Variants in KIRREL3 observed in about 807,000 individuals in gnomAD.
KIRREL3 encodes kin of IRRE-like protein 3.
A neutral mutation model predicts 89.7 loss-of-function variants in KIRREL3; 36 were observed. The ratio of observed to expected loss-of-function variants is 0.40; its 90% CI spans 0.31 to 0.53. KIRREL3 has a LOEUF of 0.53. Ranked by LOEUF, KIRREL3 falls within the 20% of genes least tolerant of loss-of-function variation. KIRREL3 has a pLI of 0.49. For synonymous variants in KIRREL3, 445 were observed against 441.4 expected (o/e 1.01, Z -0.10); for missense variants, 864 against 1,056.6 (o/e 0.82, Z 2.53).
intron 1 of KIRREL3, among the ~76,000 whole-genome samples, chr11:126,588,117 A>G (rs1156403130): frequency 6.6e-6 from 1 of 152,204 alleles, no homozygotes; most frequent in Non-Finnish European, 1.5e-5. Flanking sequence ...CATCAGCAAA[A>G]TGGGCTTTAT....
At chr11:126,706,947 T>C (rs1413683411) in intron 1 of KIRREL3, among the ~76,000 whole-genome samples, 2 of 151,914 alleles carry the variant, frequency 1.3e-5, no homozygotes, top group Non-Finnish European at 2.9e-5. Context: ...TTGACTTTTT[T>C]TTTTTTTTTA....
chr11:126,577,380 G>T (rs532531717), intron 1 of KIRREL3, among the ~76,000 whole-genome samples: 2 of 152,102 alleles, frequency 1.3e-5, no homozygotes, highest in Admixed American at 6.5e-5. Flanking sequence ...AAGGTCCAGG[G>T]CATCTGTTGG....
chr11:126,524,626 T>C (rs1490420921), intron 3 of KIRREL3, among the ~76,000 whole-genome samples: 1 of 152,260 alleles, frequency 6.6e-6, no homozygotes, highest in Non-Finnish European at 1.5e-5. Flanking sequence ...TGACTGGTTA[T>C]TCCAGCTTTG....
At chr11:126,517,554 G>A (rs61898730) in intron 4 of KIRREL3, among the ~76,000 whole-genome samples, 24,052 of 152,172 alleles carry the variant, frequency 0.16, 2,261 homozygotes, top group Non-Finnish European at 0.21. Context: ...GCCAAGGCCA[G>A]GACCCCAGGG....
At chr11:126,437,946 T>C (rs2134169092) in intron 11 of KIRREL3, among the ~76,000 whole-genome samples, 1 of 152,262 alleles carries the variant, frequency 6.6e-6, no homozygotes, top group South Asian at 2.1e-4. Flanking sequence ...ATACACATGT[T>C]CACACATGCC....
At chr11:126,435,920 G>C (rs536400694) in intron 12 of KIRREL3, among the ~76,000 whole-genome samples, 2 of 152,274 alleles carry the variant, frequency 1.3e-5, no homozygotes, top group South Asian at 2.1e-4. Context: ...ACGAATCCCT[G>C]GTCCACCATG....
intron 1 of KIRREL3, among the ~76,000 whole-genome samples, chr11:126,660,187 AAATAG>A (rs1460694868): frequency 6.6e-6 from 1 of 152,152 alleles, no homozygotes; most frequent in African/African-American, 2.4e-5. Flanking sequence ...AGGACTACTG[AAATAG>A]AGCTCCATGC....
Position 126,684,914 on chromosome 11 carries a change from G to A in KIRREL3, c.56-122002C>T, listed in dbSNP as rs1264064621. Among the ~76,000 whole-genome samples, 2 of 152,116 alleles carry A rather than the reference G, an allele frequency of 1.3e-5. No individual in the cohort carries two copies. Among genetic ancestry groups the A allele is most frequent in the Admixed American group, 1.3e-4 (2 of 15,272 alleles). The stretch of plus-strand genomic sequence containing the variant: ...TCACTAATGGTCCTCAGCAGGACAG[G>A]CTTCTTTGTCCTTGTCTCCCCCCTC... On this transcript the variant is annotated intron_variant, in intron 1 of 16. Transcript: ENST00000525144. This position sits in a 1 kb window ranked among gnomAD's most constrained non-coding sequence, Gnocchi z 4.2.
rs1248804061 is a variant in KIRREL3 at position 126,999,883 on chromosome 11, G to C, written c.55+572C>G. On this transcript the variant is annotated intron_variant, in intron 1 of 16. Coordinates refer to ENST00000525144, the MANE Select transcript of KIRREL3 (RefSeq NM_032531.4). The surrounding 1 kb of genome is among the most constrained non-coding windows in gnomAD (Gnocchi z 5.7). ...GAATTCAACCTAATTTAGGGAACTC[G>C]ATGACGTTCAATGAAACTCTTTACA... is the stretch of plus-strand genomic sequence containing the variant. Among the ~76,000 whole-genome samples, 1 of 152,184 alleles carries C rather than the reference G, an allele frequency of 6.6e-6. No individual in the cohort carries two copies. The highest frequency in any genetic ancestry group is 2.4e-5 in the African/African-American group (1 of 41,434).
At position 126,666,682 on chromosome 11, in the gene KIRREL3, T is replaced by A. The variant is rs1945678840; in HGVS notation, c.56-103770A>T. Among the ~76,000 whole-genome samples the A allele has an allele frequency of 6.6e-6, 1 of 152,192 alleles. No homozygotes were observed. The highest frequency in any genetic ancestry group is 6.5e-5 in the Admixed American group (1 of 15,276). On this transcript the variant is annotated intron_variant, in intron 1 of 16. Transcript: ENST00000525144. This position sits in a 1 kb window ranked among gnomAD's most constrained non-coding sequence, Gnocchi z 4.2. ...TACTGCATGATATGAACACTTAGGG[T>A]TAAACAGAGCTCTCTTTTTCTCTCT... is the stretch of plus-strand genomic sequence containing the variant.
intron 1 of KIRREL3, among the ~76,000 whole-genome samples, chr11:126,847,008 T>A (rs990885004): frequency 6.6e-6 from 1 of 152,124 alleles, no homozygotes; most frequent in East Asian, 1.9e-4. Context: ...AATCTGCTCT[T>A]TAACAAAATT....
At position 126,900,839 on chromosome 11, in the gene KIRREL3, A is replaced by T. The variant is rs577357809; in HGVS notation, c.55+99616T>A. On this transcript the variant is annotated intron_variant, in intron 1 of 16. Transcript: ENST00000525144. The surrounding 1 kb of genome is among the most constrained non-coding windows in gnomAD (Gnocchi z 4.4). ...GGGAATGCATTGTACTTATTTAAAG[A>T]CATTTTCAAAACAGTTGCAAGTTAA... 6.6e-6 allele frequency among the ~76,000 whole-genome samples: 1 copy of T among 152,360 alleles called. No homozygotes were observed. The highest frequency in any genetic ancestry group is 2.4e-5 in the African/African-American group (1 of 41,568).
At chr11:126,712,264 A>T (rs1592002340) in intron 1 of KIRREL3, among the ~76,000 whole-genome samples, 2 of 149,742 alleles carry the variant, frequency 1.3e-5, no homozygotes, top group South Asian at 2.1e-4. Flanking sequence ...GATAAGGGCG[A>T]GTGTGTGTGT....
At chr11:126,874,911 G>T (rs944574234) in intron 1 of KIRREL3, among the ~76,000 whole-genome samples, 2 of 152,184 alleles carry the variant, frequency 1.3e-5, no homozygotes, top group Admixed American at 1.3e-4. Context: ...ACCTGGGCAA[G>T]ATCATATAGC....
At chr11:126,874,158 C>G (rs991406587) in intron 1 of KIRREL3, among the ~76,000 whole-genome samples, 1 of 152,158 alleles carries the variant, frequency 6.6e-6, no homozygotes, top group African/African-American at 2.4e-5. Flanking sequence ...TTTCTCCTTC[C>G]CCATTGGCAT....
chr11:126,873,388 G>T (rs189274124), intron 1 of KIRREL3, among the ~76,000 whole-genome samples: 1 of 152,236 alleles, frequency 6.6e-6, no homozygotes, highest in East Asian at 1.9e-4. Flanking sequence ...CAACTTTGCG[G>T]GTGACTGGAT....
At chr11:126,827,539 G>C (rs2134473145) in intron 1 of KIRREL3, among the ~76,000 whole-genome samples, 1 of 152,224 alleles carries the variant, frequency 6.6e-6, no homozygotes, top group East Asian at 1.9e-4. Context: ...TGATAATATT[G>C]CCTCTTCTAG....
intron 10 of KIRREL3, chr11:126,440,929 G>C (rs1268492662): frequency 1.1e-5 from 3 of 267,674 alleles, no homozygotes; most frequent in Non-Finnish European, 2.2e-5. Context: ...CTGCAGAGGG[G>C]GTGGGGAGGT....
rs559760638 is a variant in KIRREL3, at chr11:126,598,741, A to G, written c.56-35829T>C. 1.1e-4 allele frequency among the ~76,000 whole-genome samples: 16 copies of G among 152,106 alleles called. No individual in the cohort carries two copies. The East Asian group carries it at 2.7e-3, about 26-fold the overall frequency. On this transcript the variant is annotated intron_variant, in intron 1 of 16. Transcript: ENST00000525144. ...CCAAACTGATACACATTGATTGCCC[A>G]CTCTGTCATTCACTCCTGAGGGACT...
Sources: allele counts gnomAD v4.1 joint callset (sites outside exome capture counted in the v4.1 genomes callset), GRCh38; gene constraint gnomAD v4.1.1; non-coding constraint Gnocchi (gnomAD v3.1); transcripts MANE v1.5; gene names NCBI Gene and HGNC (gene_info 2026-07-23, HGNC 2026-07-21).